PSG2: variants seen among roughly 807,000 people sequenced by gnomAD.
The protein encoded by PSG2 is pregnancy specific beta-1-glycoprotein 2.
PSG2 carries 49 observed loss-of-function variants against 36.2 expected under a neutral mutation model. That is an observed-to-expected ratio of 1.35 (90% CI 1.08 to 1.72). The LOEUF is 1.72. Among genes scored for constraint, PSG2 ranks in the 40% most tolerant of loss-of-function variants. PSG2 has a pLI of 0.00. For missense variants in PSG2, 605 were observed against 407.2 expected (o/e 1.49, Z -4.18); for synonymous variants, 261 against 155.6 (o/e 1.68, Z -5.04).
intron 2 of PSG2, among the ~76,000 whole-genome samples, chr19:43,077,387 C>T (rs528620350): frequency 6.6e-6 from 1 of 151,886 alleles, no homozygotes; most frequent in Non-Finnish European, 1.5e-5. Flanking sequence ...ATAGAAAGAA[C>T]TCCCTGCTTC....
At chr19:43,070,797 G>T (rs1442715534) in intron 4 of PSG2, among the ~76,000 whole-genome samples, 1 of 151,556 alleles carries the variant, frequency 6.6e-6, no homozygotes, top group Non-Finnish European at 1.5e-5. Flanking sequence ...ACACTAAATT[G>T]CACACTTAGA....
At chr19:43,081,302 G>C in intron 1 of PSG2, 56 bp from the exon 2 acceptor site, 3 of 1,564,028 alleles carry the variant, frequency 1.9e-6, no homozygotes, top group Non-Finnish European at 1.7e-6. Flanking sequence ...GGGGTGAAAA[G>C]ATGGGGCCCT....
chr19:43,071,680 G>A lies in PSG2; in HGVS notation c.964+20C>T. 6.2e-7 allele frequency: 1 copy of A among 1,612,868 alleles called. No homozygotes were observed. Among genetic ancestry groups the A allele is most frequent in the Non-Finnish European group, 8.5e-7 (1 of 1,179,348 alleles). On this transcript the variant is annotated intron_variant, in intron 4 of 5. Transcript: ENST00000406487. ...ACTCCACCTAAAACCCTACTGCCAA[G>A]GATGCTGGGATCCACTTACCAGAGA...
In PSG2 at chr19:43,071,936, C is replaced by T. The variant is rs767788947; in HGVS notation, c.728G>A (p.Arg243Lys). ...LNLLHGPDLP[R>K]IHPSYTNYRS... ...GTAATTGGTGTATGAAGGGTGAATT[C>T]TGGGGAGGTCTGGACCATCTGGAGC... The change falls in exon 4 of 6, where the codon AGA (arginine) becomes AAA (lysine). Residue 243 changes from arginine to lysine, a missense_variant. Arg to Lys is a conservative substitution (Grantham distance 26). Coordinates refer to ENST00000406487, the MANE Select transcript of PSG2 (RefSeq NM_031246.4). 3.1e-6 allele frequency: 5 copies of T among 1,612,616 alleles called. No individual in the cohort carries two copies. The highest frequency in any genetic ancestry group is 1.1e-5 in the South Asian group (1 of 91,024).
rs1413082492 is a variant in PSG2, at chr19:43,073,459, C to G, written c.710-1505G>C. ...CGGACATTTGCAAAAGCAGAACTGA[C>G]TGGTGGAAAGGGTGGGAATGAACTG... On this transcript the variant is annotated intron_variant, in intron 3 of 5. Transcript: ENST00000406487. Among the ~76,000 whole-genome samples, 4 of 151,284 alleles carry G rather than the reference C, an allele frequency of 2.6e-5. No individual in the cohort carries two copies. The East Asian group carries it at 5.8e-4, about 22-fold the overall frequency.
intron 3 of PSG2, 108 bp from the exon 4 acceptor site, chr19:43,072,062 T>C: frequency 6.8e-7 from 1 of 1,474,496 alleles, no homozygotes; most frequent in Non-Finnish European, 9.2e-7. Context: ...CATCCTCAAG[T>C]CCCAGCAAAA....
intron 2 of PSG2, 23 bp from the exon 3 acceptor site, chr19:43,075,655 AT>A: frequency 6.2e-7 from 1 of 1,602,868 alleles, no homozygotes; most frequent in Non-Finnish European, 8.5e-7. Context: ...CAGAGAGAAG[AT>A]TGCCCTGTGT....
At chr19:43,075,227 T>C in intron 3 of PSG2, 127 bp downstream of exon 3, 1 of 1,589,692 alleles carries the variant, frequency 6.3e-7, no homozygotes, top group Non-Finnish European at 8.6e-7. Flanking sequence ...CAGAAAGTCA[T>C]GGCCAGCTTT....
chr19:43,067,956 C>T (rs565581757), intron 4 of PSG2, among the ~76,000 whole-genome samples: 21 of 151,080 alleles, frequency 1.4e-4, no homozygotes, highest in Non-Finnish European at 2.5e-4. Flanking sequence ...AAACTAAACC[C>T]AAGCACAGTG....
At position 43,082,122 on chromosome 19, in the gene PSG2, C is replaced by CTTTTTTTTTTTTTTT. The variant is rs71169213; in HGVS notation, c.64+369_64+383dup. The CTTTTTTTTTTTTTTT allele has an allele frequency of 7.4e-5, 5 of 67,940 alleles. 1 individual carries two copies. Among genetic ancestry groups the CTTTTTTTTTTTTTTT allele is most frequent in the African/African-American group, 1.6e-4 (2 of 12,708 alleles). The allele number at this position is 67,940 out of a possible 1,614,324, so 4.2% of individuals were successfully genotyped here. A position where few individuals can be genotyped will look rare whatever the true frequency, so the allele number is the denominator to read the frequency against. On this transcript the variant is annotated intron_variant, in intron 1 of 5. Transcript: ENST00000406487. The stretch of plus-strand genomic sequence containing the variant: ...CTTTCCTTTTATTTCTTTCTTCTCT[C>CTTTTTTTTTTTTTTT]TTTTTTTTTTTTTTTTTTTTTTTTT...
In PSG2 at chr19:43,075,437, T is replaced by A. The variant is rs550573659; in HGVS notation, c.626A>T (p.Lys209Met). 6 of 1,613,216 alleles carry A rather than the reference T, an allele frequency of 3.7e-6. No homozygotes were observed. In the African/African-American group the frequency reaches 6.7e-5, roughly 18 times the overall value. ...ACATTCATAGGGTCCTGCAGTATAC[T>A]TTGTGACACCAAATAGAAAGAGGGT... ...NRTLFLFGVT[K>M]YTAGPYECEI... Residue 209 changes from lysine (K) to methionine (M), a missense_variant, in exon 3 of 6, where the codon AAG (lysine) becomes ATG (methionine). Physicochemically the swap from Lys to Met is moderately conservative, Grantham distance 95 (BLOSUM62 -1). Transcript: ENST00000406487.
chr19:43,081,390 C>T, intron 1 of PSG2, 144 bp from the exon 2 acceptor site: 3 of 1,237,200 alleles, frequency 2.4e-6, no homozygotes, highest in South Asian at 1.7e-5. Context: ...CACACACACA[C>T]ACACACACAA....
chr19:43,070,466 G>A (rs1374657759), intron 4 of PSG2, among the ~76,000 whole-genome samples: 2 of 151,768 alleles, frequency 1.3e-5, no homozygotes, highest in Non-Finnish European at 2.9e-5. Context: ...TGAAAGATAA[G>A]TGGGTAGGCA....
intron 3 of PSG2, among the ~76,000 whole-genome samples, chr19:43,074,060 C>G (rs542354704): frequency 2.1e-4 from 32 of 151,630 alleles, no homozygotes; most frequent in African/African-American, 7.5e-4. Flanking sequence ...ATGCTGCACT[C>G]GTTTATTTTT....
intron 5 of PSG2, chr19:43,065,405 C>T (rs1426487136): frequency 6.6e-6 from 1 of 151,482 alleles, no homozygotes; most frequent in African/African-American, 2.4e-5. Context: ...GTTTTAAGTT[C>T]TACCTATTGC....
At chr19:43,080,822 G>T (rs1396836744) in intron 2 of PSG2, 59 bp downstream of exon 2, 1 of 1,611,882 alleles carries the variant, frequency 6.2e-7, no homozygotes, top group Non-Finnish European at 8.5e-7. Flanking sequence ...AATCCTGTGT[G>T]TGTGAAGTAG....
chr19:43,070,538 C>A (rs1967801252), intron 4 of PSG2, among the ~76,000 whole-genome samples: 1 of 151,740 alleles, frequency 6.6e-6, no homozygotes, highest in African/African-American at 2.4e-5. Flanking sequence ...AATTCCAATA[C>A]ATCGTGCAAA....
intron 3 of PSG2, among the ~76,000 whole-genome samples, chr19:43,073,906 A>G (rs1599707926): frequency 1.3e-5 from 2 of 151,770 alleles, no homozygotes; most frequent in East Asian, 3.8e-4. Context: ...TTCAAAATCT[A>G]AAATGCTCCA....
intron 4 of PSG2, among the ~76,000 whole-genome samples, chr19:43,070,928 T>C (rs1384693134): frequency 6.6e-6 from 1 of 151,576 alleles, no homozygotes. Flanking sequence ...CAGGGGTGAA[T>C]CTCCCTATTT....
Sources: allele counts gnomAD v4.1 joint callset (sites outside exome capture counted in the v4.1 genomes callset), GRCh38; gene constraint gnomAD v4.1.1; transcripts MANE v1.5; gene names NCBI Gene and HGNC (gene_info 2026-07-23, HGNC 2026-07-21).